The following AR variants were observed in gnomAD, a reference collection of about 807,000 sequenced individuals.
The protein encoded by AR is androgen receptor, also known as dihydrotestosterone receptor.
In AR, 8 loss-of-function variants were observed where a neutral mutation model predicts 53.9. The ratio of observed to expected loss-of-function variants is 0.15; its 90% CI spans 0.09 to 0.27. AR has a LOEUF of 0.27. AR is among the 10% of genes least tolerant of loss of function. AR has a pLI of 1.00. For synonymous variants in AR, 359 were observed against 316.4 expected, an observed-to-expected ratio of 1.13 and a Z score of -1.43; for missense variants, 639 against 742.5, an observed-to-expected ratio of 0.86 and a Z score of 1.62.
At chrX:67,640,623 C>T (rs755118876) in intron 1 of AR, among the ~76,000 whole-genome samples, 1 of 111,360 alleles carries the variant, frequency 9.0e-6, no homozygotes, top group Non-Finnish European at 1.9e-5. Flanking sequence ...TTATAGTATT[C>T]TCTGATGGTA....
At chrX:67,618,500 G>T (rs1602196274) in intron 1 of AR, among the ~76,000 whole-genome samples, 1 of 111,110 alleles carries the variant, frequency 9.0e-6, no homozygotes, top group Admixed American at 9.7e-5. Context: ...TGAGGGAAAA[G>T]TGCCCAAGCA....
At chrX:67,601,461 C>T (rs754164535) in intron 1 of AR, among the ~76,000 whole-genome samples, 1 of 111,497 alleles carries the variant, frequency 9.0e-6, no homozygotes, top group African/African-American at 3.3e-5. Flanking sequence ...TCTTAAATGC[C>T]GTGTTCATAG....
chrX:67,551,598 A>T (rs1471792968), intron 1 of AR, among the ~76,000 whole-genome samples: 2 of 111,867 alleles, frequency 1.8e-5, no homozygotes, highest in Admixed American at 1.9e-4. Flanking sequence ...TATTCACTGC[A>T]TTCGTGTAAG....
At chrX:67,648,364 T>G (rs1926153780) in intron 2 of AR, among the ~76,000 whole-genome samples, 1 of 111,465 alleles carries the variant, frequency 9.0e-6, no homozygotes, top group Non-Finnish European at 1.9e-5. Flanking sequence ...TGAATGAACT[T>G]TTCTGGATGA....
chrX:67,551,175 T>C (rs1376712588), intron 1 of AR, among the ~76,000 whole-genome samples: 1 of 109,367 alleles, frequency 9.1e-6, no homozygotes, highest in Non-Finnish European at 1.9e-5. Flanking sequence ...GTTGGCTACT[T>C]TCTCTCAGAG....
intron 2 of AR, among the ~76,000 whole-genome samples, chrX:67,660,478 C>T (rs974157386): frequency 9.0e-6 from 1 of 111,731 alleles, no homozygotes; most frequent in Non-Finnish European, 1.9e-5. Context: ...GGAATCCTTT[C>T]CCCATTTCTT....
intron 2 of AR, among the ~76,000 whole-genome samples, chrX:67,671,192 T>G (rs988217848): frequency 3.6e-5 from 4 of 112,195 alleles, no homozygotes; most frequent in African/African-American, 1.3e-4. Flanking sequence ...TCTTCCACAA[T>G]GGTTGAACTA....
chrX:67,683,151 A>G (rs187804129), intron 2 of AR, among the ~76,000 whole-genome samples: 207 of 112,065 alleles, frequency 1.8e-3, no homozygotes, highest in African/African-American at 5.9e-3. Context: ...ATGAATACAC[A>G]CATGTACATT....
intron 1 of AR, among the ~76,000 whole-genome samples, chrX:67,627,548 T>G (rs150972173): frequency 0.052 from 5,816 of 111,415 alleles, 149 homozygotes; most frequent in Middle Eastern, 0.088. Context: ...GTCAGATGAG[T>G]ACGTTGCGAA....
intron 1 of AR, among the ~76,000 whole-genome samples, chrX:67,578,446 T>C (rs1042869914): frequency 1.8e-5 from 2 of 111,699 alleles, no homozygotes; most frequent in African/African-American, 6.5e-5. Context: ...TTTATATTGG[T>C]GATTTAAAAA....
At position 67,545,202 on chromosome X, in the gene AR, A is replaced by C. The variant is rs2147313923; in HGVS notation, c.56A>C (p.Tyr19Ser). The change falls in exon 1 of 8, where the codon TAC (tyrosine) becomes TCC (serine). Residue 19 changes from tyrosine (Y) to serine (S), a missense_variant. This residue lies in a region of AR where 55 missense variants were observed against 84.8 expected (regional missense o/e 0.65). Coordinates refer to ENST00000374690, the MANE Select transcript of AR (RefSeq NM_000044.6). Reference protein sequence around the residue: ...RVYPRPPSKTYRGAFQNLFQS... With the variant: ...RVYPRPPSKTSRGAFQNLFQS... ...TACCCTCGGCCGCCGTCCAAGACCTACCGAGGAGCTTTCCAGAATCTGTTC... is the reference window on the plus strand; with the variant it reads ...TACCCTCGGCCGCCGTCCAAGACCTCCCGAGGAGCTTTCCAGAATCTGTTC... The C allele has an allele frequency of 8.3e-7, 1 of 1,208,962 alleles. No individual in the cohort carries two copies. The highest frequency in any genetic ancestry group is 2.2e-5 in the Admixed American group (1 of 45,554).
chrX:67,647,095 T>C (rs188927919), intron 2 of AR, among the ~76,000 whole-genome samples: 1 of 112,088 alleles, frequency 8.9e-6, no homozygotes, highest in East Asian at 2.8e-4. Flanking sequence ...GAGGGTTAAT[T>C]AATCCATCAT....
intron 1 of AR, among the ~76,000 whole-genome samples, chrX:67,596,805 G>A (rs1178803113): frequency 8.9e-6 from 1 of 112,100 alleles, no homozygotes; most frequent in South Asian, 3.7e-4. Flanking sequence ...TGTTTTCTCA[G>A]GCAGTTAAGC....
intron 1 of AR, among the ~76,000 whole-genome samples, chrX:67,562,670 G>A (rs1921384045): frequency 9.0e-6 from 1 of 110,629 alleles, no homozygotes; most frequent in South Asian, 3.8e-4. Flanking sequence ...CAAATCTTGG[G>A]TCCCTTGCTT....
chrX:67,713,262 C>A (rs1428503479), intron 4 of AR, among the ~76,000 whole-genome samples: 1 of 110,526 alleles, frequency 9.0e-6, no homozygotes, highest in African/African-American at 3.3e-5. Context: ...ATCTCTTATA[C>A]CTTCTCAGCT....
At chrX:67,600,278 T>G (rs1034054400) in intron 1 of AR, among the ~76,000 whole-genome samples, 11 of 111,250 alleles carry the variant, frequency 9.9e-5, no homozygotes, top group Non-Finnish European at 2.1e-4. Context: ...TTTAAAATTT[T>G]GGTACTAAAA....
chrX:67,554,582 A>G (rs1438510407), intron 1 of AR, among the ~76,000 whole-genome samples: 3 of 111,911 alleles, frequency 2.7e-5, no homozygotes, highest in African/African-American at 9.8e-5. Context: ...GCACCCAGCA[A>G]AAGGTTTAGT....
At chrX:67,588,103 T>TCC in intron 1 of AR, among the ~76,000 whole-genome samples, 1 of 111,846 alleles carries the variant, frequency 8.9e-6, no homozygotes, top group Non-Finnish European at 1.9e-5. Context: ...CGGAGGCTGT[T>TCC]ACTCAATATC....
At position 67,724,047 on chromosome X, in the gene AR, T is replaced by A; in HGVS notation, c.*206T>A. The A allele has an allele frequency of 2.1e-6, 1 of 481,687 alleles. No individual in the cohort carries two copies. The highest frequency in any genetic ancestry group is 3.4e-6 in the Non-Finnish European group (1 of 295,036). The allele number at this position is 481,687 out of a possible 1,213,427, so 39.7% of individuals were successfully genotyped here. A position where few individuals can be genotyped will look rare whatever the true frequency, so the allele number is the denominator to read the frequency against. On this transcript the variant is annotated 3_prime_UTR_variant, in exon 8 of 8. Coordinates refer to ENST00000374690, the MANE Select transcript of AR (RefSeq NM_000044.6). The stretch of plus-strand genomic sequence containing the variant: ...TTCTTTTTCTTCTTCCCTCCCTATC[T>A]AACCCTCCCATGGCACCTTCAGACT...
Sources: allele counts gnomAD v4.1 joint callset (sites outside exome capture counted in the v4.1 genomes callset), GRCh38; gene constraint gnomAD v4.1.1; regional missense constraint gnomAD v4.1.1; transcripts MANE v1.5; gene names NCBI Gene and HGNC (gene_info 2026-07-23, HGNC 2026-07-21).